Variants in SV2C observed in about 807,000 individuals in gnomAD.
The protein encoded by SV2C is synaptic vesicle glycoprotein 2C, also known as solute carrier family 22 member B3.
In SV2C, 49 loss-of-function variants were observed where a neutral mutation model predicts 79.7. The observed-to-expected ratio is 0.61, with a 90% CI of 0.49 to 0.78. The LOEUF (loss-of-function observed/expected upper bound fraction) is 0.78, where lower values mean the gene tolerates loss of function less well. SV2C is among the 30% of genes least tolerant of loss of function. The pLI, the probability that SV2C is intolerant of heterozygous loss-of-function variation, is 0.00. For synonymous variants in SV2C, 334 were observed against 333.2 expected, an observed-to-expected ratio of 1.00 and a Z score of -0.03; for missense variants, 833 against 912.9, an observed-to-expected ratio of 0.91 and a Z score of 1.13.
chr5:75,973,604 C>T, the SV2C span, among the ~76,000 whole-genome samples: 96 of 152,076 alleles, frequency 6.3e-4, no homozygotes, highest in Non-Finnish European at 1.0e-3. Context: ...ACATGTGTAA[C>T]ATTTTGAATG....
chr5:75,999,375 AAGAGAGAGAGAG>A, the SV2C span, among the ~76,000 whole-genome samples: 19 of 134,806 alleles, frequency 1.4e-4, no homozygotes, highest in Middle Eastern at 3.6e-3. Context: ...GGGAGGGAGA[AAGAGAGAGAGAG>A]AGAGAGAGAG....
chr5:75,977,241 T>G, the SV2C span, among the ~76,000 whole-genome samples: 11 of 152,158 alleles, frequency 7.2e-5, no homozygotes, highest in Admixed American at 1.3e-4. Context: ...CAGGCTGAAC[T>G]TTAAAATGGG....
chr5:75,949,957 G>A, the SV2C span, among the ~76,000 whole-genome samples: 1 of 152,032 alleles, frequency 6.6e-6, no homozygotes, highest in Non-Finnish European at 1.5e-5. Flanking sequence ...GGGAGTTAAG[G>A]ATGACTCCAA....
At chr5:75,962,362 C>T in the SV2C span, among the ~76,000 whole-genome samples, 1 of 151,984 alleles carries the variant, frequency 6.6e-6, no homozygotes, top group South Asian at 2.1e-4. Context: ...ATCAGAGTTC[C>T]TCGTACATGA....
chr5:76,208,309 C>G (rs1280098836), intron 3 of SV2C, among the ~76,000 whole-genome samples: 3 of 152,162 alleles, frequency 2.0e-5, no homozygotes, highest in Non-Finnish European at 4.4e-5. Context: ...ATTTTTATCA[C>G]TATCTCATTT....
the SV2C span, among the ~76,000 whole-genome samples, chr5:75,882,139 G>A: frequency 1.3e-5 from 2 of 149,990 alleles, no homozygotes; most frequent in East Asian, 1.9e-4. Flanking sequence ...TGCATCCCAG[G>A]GATGAAGCCC....
At chr5:76,168,619 G>A (rs185241238) in intron 2 of SV2C, among the ~76,000 whole-genome samples, 3 of 152,140 alleles carry the variant, frequency 2.0e-5, no homozygotes, top group African/African-American at 7.2e-5. Context: ...CTCTCTCTCC[G>A]TTCATTTTGC....
the SV2C span, among the ~76,000 whole-genome samples, chr5:76,023,301 C>T: frequency 3.9e-5 from 6 of 152,192 alleles, no homozygotes; most frequent in African/African-American, 7.2e-5. Flanking sequence ...AGAGAGACCC[C>T]GTGGGATGAG....
intron 2 of SV2C, among the ~76,000 whole-genome samples, chr5:76,182,084 A>G (rs1024028645): frequency 6.6e-6 from 1 of 151,760 alleles, no homozygotes; most frequent in Non-Finnish European, 1.5e-5. Flanking sequence ...CATTGTTCAT[A>G]TTCTCCTTGG....
the SV2C span, among the ~76,000 whole-genome samples, chr5:75,881,405 T>C: frequency 6.6e-6 from 1 of 152,234 alleles, no homozygotes; most frequent in Non-Finnish European, 1.5e-5. Context: ...TATTATTTTT[T>C]ACTAGGATAC....
the SV2C span, among the ~76,000 whole-genome samples, chr5:76,073,505 A>ATGTGTATG: frequency 1.6e-4 from 6 of 37,960 alleles, no homozygotes; most frequent in African/African-American, 1.2e-3. Flanking sequence ...ATGTGTGTGT[A>ATGTGTATG]TATATATATA....
the SV2C span, among the ~76,000 whole-genome samples, chr5:76,046,229 G>C: frequency 6.6e-6 from 1 of 152,118 alleles, no homozygotes; most frequent in African/African-American, 2.4e-5. Context: ...TTCAGGTTTA[G>C]AGAAACTAAG....
the SV2C span, among the ~76,000 whole-genome samples, chr5:75,854,869 C>G: frequency 6.6e-6 from 1 of 152,038 alleles, no homozygotes; most frequent in Non-Finnish European, 1.5e-5. Context: ...TCATTTATTA[C>G]CAATTAATTT....
chr5:76,338,522 A>G (rs571115745), downstream of SV2C, among the ~76,000 whole-genome samples: 66 of 152,292 alleles, frequency 4.3e-4, 1 homozygote, highest in African/African-American at 1.5e-3. Context: ...CTTTGCAAAC[A>G]TTGGACATAT....
At chr5:76,009,903 A>T in the SV2C span, among the ~76,000 whole-genome samples, 1 of 152,134 alleles carries the variant, frequency 6.6e-6, no homozygotes, top group Non-Finnish European at 1.5e-5. Flanking sequence ...TGAATCTCAA[A>T]TAAAAGTGAA....
At chr5:75,856,386 A>G in the SV2C span, among the ~76,000 whole-genome samples, 1 of 152,214 alleles carries the variant, frequency 6.6e-6, no homozygotes, top group Non-Finnish European at 1.5e-5. Context: ...TAGTGGTTGT[A>G]GTAATTTACA....
the SV2C span, among the ~76,000 whole-genome samples, chr5:76,025,272 A>G: frequency 2.0e-5 from 3 of 151,670 alleles, no homozygotes; most frequent in Non-Finnish European, 4.4e-5. Flanking sequence ...TAGGCAGGGT[A>G]CCAGAGACAG....
chr5:76,066,904 T>C, the SV2C span, among the ~76,000 whole-genome samples: 1 of 151,702 alleles, frequency 6.6e-6, no homozygotes, highest in Admixed American at 6.6e-5. Context: ...TACAGCTATG[T>C]GTGTTTATTT....
chr5:76,010,367 G>A, the SV2C span, among the ~76,000 whole-genome samples: 1 of 152,096 alleles, frequency 6.6e-6, no homozygotes, highest in Non-Finnish European at 1.5e-5. Flanking sequence ...GTATGGTATT[G>A]CTTGCAAAAT....
Sources: gnomAD v4.1 joint callset for allele counts (sites outside exome capture counted in the v4.1 genomes callset) on GRCh38, gnomAD v4.1.1 for gene constraint, MANE v1.5 for transcripts, NCBI Gene and HGNC (gene_info 2026-07-23, HGNC 2026-07-21) for gene names.